TTN: variants seen among roughly 807,000 people sequenced by gnomAD.
TTN encodes the protein titin.
Under a neutral mutation model 3,223.0 loss-of-function variants are expected in TTN, and 1,525 were observed. The observed-to-expected ratio is 0.47, with a 90% CI of 0.45 to 0.49. The LOEUF is 0.49. Among genes scored for constraint, TTN ranks in the 20% least tolerant of loss-of-function variants. TTN has a pLI of 0.00. For missense variants in TTN, 40,786 were observed against 43,424.0 expected (o/e 0.94, Z 5.40); for synonymous variants, 14,094 against 15,161.0 (o/e 0.93, Z 5.17).
In TTN at chr2:178,531,996, T is replaced by G. The variant is rs1460055925; in HGVS notation, c.104619A>C (p.Glu34873Asp). The G allele has an allele frequency of 1.2e-6, 2 of 1,613,744 alleles. No individual in the cohort carries two copies. Among genetic ancestry groups the G allele is most frequent in the African/African-American group, 2.7e-5 (2 of 74,898 alleles). Reference sequence around the variant, plus strand: ...TTCTCTCTGGAGTAGGTGACCTTCTTTCTGTGTCATCTTCGTATTCCTCAG... The same window carrying G: ...TTCTCTCTGGAGTAGGTGACCTTCTGTCTGTGTCATCTTCGTATTCCTCAG... ...QPAEEYEDDT[E>D]RRSPTPERTR... The change falls in exon 358 of 363, where the codon GAA (glutamate) becomes GAC (aspartate). Residue 34873 changes from glutamate to aspartate, a missense_variant. Coordinates refer to ENST00000589042, the MANE Select transcript of TTN (RefSeq NM_001267550.2).
At chr2:178,679,023 C>T (rs188259828) in intron 142 of TTN, among the ~76,000 whole-genome samples, 193 bp from the exon 143 acceptor site, 5 of 151,916 alleles carry the variant, frequency 3.3e-5, no homozygotes, top group South Asian at 2.1e-4. Context: ...CCGAAAAAAA[C>T]GTGGACTGGT....
rs550035343 is a variant in TTN, at chr2:178,694,557, A to T, written c.31426+42T>A. ...TGTACACATGTCCATACACATAAAT[A>T]AAAAAATTTTGAACTTGTAGCTGAA... On this transcript the variant is annotated intron_variant, in intron 117 of 362. Transcript: ENST00000589042. 5.8e-5 allele frequency: 86 copies of T among 1,480,020 alleles called. No individual in the cohort carries two copies. The African/African-American group carries it at 1.2e-3, about 20-fold the overall frequency. 91.7% of individuals were successfully genotyped at this position (1,480,020 alleles called of 1,614,324 possible).
Position 178,574,433 on chromosome 2 carries a change from C to T in TTN, c.71699G>A (p.Arg23900Gln), listed in dbSNP as rs369292052. The change falls in exon 326 of 363, where the codon CGG becomes CAG. Residue 23900 changes from arginine (R) to glutamine (Q), a missense_variant. Transcript: ENST00000589042. ...GCCTGCCATGTTTTCTGCAATCACC[C>T]GGAACTCATAAGCAATACCATCTGT... Reference protein sequence around the residue: ...GLTDGIAYEFRVIAENMAGKS... With the variant: ...GLTDGIAYEFQVIAENMAGKS... 5.1e-5 allele frequency: 82 copies of T among 1,613,386 alleles called. No individual in the cohort carries two copies. The highest frequency in any genetic ancestry group is 7.7e-5 in the South Asian group (7 of 91,064).
rs774191400 is a variant in TTN, at chr2:178,575,121, C to T, written c.71011G>A (p.Asp23671Asn). ...PKPTVTWKKG[D>N]QILKQTQRVN... The stretch of plus-strand genomic sequence containing the variant: ...CTCTGTGTCTGTTTAAGAATTTGGT[C>T]TCCTTTTTTCCATGTCACTGTGGGC... The change falls in exon 326 of 363, where the codon GAC becomes AAC. Residue 23671 changes from aspartate to asparagine, a missense_variant. Asp to Asn is a conservative substitution (Grantham distance 23). Transcript: ENST00000589042. The surrounding 1 kb of genome is among the most constrained non-coding windows in gnomAD (Gnocchi z 4.0). The T allele has an allele frequency of 1.9e-6, 3 of 1,612,768 alleles. No individual in the cohort carries two copies. The highest frequency in any genetic ancestry group is 2.7e-5 in the African/African-American group (2 of 74,846).
chr2:178,739,077 C>T, intron 48 of TTN, 64 bp downstream of exon 48: 2 of 1,448,524 alleles, frequency 1.4e-6, no homozygotes, highest in East Asian at 2.4e-5. Flanking sequence ...TTAAGTGATG[C>T]AAGCTAAATC....
Position 178,620,846 on chromosome 2 carries a change from A to G in TTN, c.45764T>C (p.Ile15255Thr), listed in dbSNP as rs746579432. Residue 15255 changes from isoleucine to threonine, a missense_variant, in exon 247 of 363, where the codon ATT becomes ACT. Coordinates refer to ENST00000589042, the MANE Select transcript of TTN (RefSeq NM_001267550.2). Reference protein sequence around the residue: ...EAIFDSSKYIILQKDLVYTLR... With the variant: ...EAIFDSSKYITLQKDLVYTLR... Reference sequence around the variant, plus strand: ...GGTGTAGACTAGGTCTTTTTGGAGAATGATGTATTTTGAACTATCAAATAT... The same window carrying G: ...GGTGTAGACTAGGTCTTTTTGGAGAGTGATGTATTTTGAACTATCAAATAT... 2.5e-6 allele frequency: 4 copies of G among 1,612,396 alleles called. No individual in the cohort carries two copies. Among genetic ancestry groups the G allele is most frequent in the Non-Finnish European group, 1.7e-6 (2 of 1,179,118 alleles).
Position 178,677,227 on chromosome 2 carries a change from T to G in TTN, c.34352A>C (p.Lys11451Thr). ...EKKVPVPAPKKVEPPPPPKVP... is the reference protein window; with the variant it reads ...EKKVPVPAPKTVEPPPPPKVP... ...TTTGGGTGGTGGTGGAGGTTCCACT[T>G]TTTTAGGGGCGGGAACAGGGACTTT... Residue 11451 changes from lysine to threonine, a missense_variant, in exon 147 of 363, where the codon AAA becomes ACA. Lys to Thr is a moderately conservative substitution (Grantham distance 78). Coordinates refer to ENST00000589042, the MANE Select transcript of TTN (RefSeq NM_001267550.2). 8.2e-7 allele frequency: 1 copy of G among 1,224,070 alleles called. No individual in the cohort carries two copies. The highest frequency in any genetic ancestry group is 1.0e-6 in the Non-Finnish European group (1 of 983,310). The allele number at this position is 1,224,070 out of a possible 1,614,324, so 75.8% of individuals were successfully genotyped here.
chr2:178,718,898 A>G lies in TTN; in HGVS notation c.24302T>C (p.Ile8101Thr), dbSNP rs200423910. The change falls in exon 84 of 363, where the codon ATC becomes ACC. Residue 8101 changes from isoleucine to threonine, a missense_variant. Coordinates refer to ENST00000589042, the MANE Select transcript of TTN (RefSeq NM_001267550.2). The stretch of plus-strand genomic sequence containing the variant: ...GACCTTGAAAGGAGGGGTGCCTCTG[A>G]TGACACTGGTGAATGTGAGGCTCAT... ...PGMSLTFTSV[I>T]RGTPPFKVKW... 5.0e-6 allele frequency: 8 copies of G among 1,613,474 alleles called. No individual in the cohort carries two copies. Among genetic ancestry groups the G allele is most frequent in the African/African-American group, 1.3e-5 (1 of 75,012 alleles).
chr2:178,702,266 A>G, intron 107 of TTN, 21 bp from the exon 108 acceptor site: 1 of 1,613,628 alleles, frequency 6.2e-7, no homozygotes, highest in East Asian at 2.2e-5. Flanking sequence ...AAATCATCCA[A>G]CTTTTGTTTT....
intron 319 of TTN, 60 bp from the exon 320 acceptor site, chr2:178,579,453 A>G (rs1022091242): frequency 3.5e-5 from 55 of 1,561,634 alleles, no homozygotes; most frequent in East Asian, 2.5e-4. Context: ...AACTTTTTCA[A>G]ATAGTTCTAG....
chr2:178,671,933 GA>G (rs756538283), intron 155 of TTN, 37 bp downstream of exon 155: 39 of 1,568,854 alleles, frequency 2.5e-5, no homozygotes, highest in Middle Eastern at 3.5e-4. Context: ...GTTAGAGCAA[GA>G]TATAAGAATT....
intron 356 of TTN, 154 bp downstream of exon 356, chr2:178,536,784 A>T: frequency 3.6e-6 from 3 of 835,326 alleles, no homozygotes; most frequent in South Asian, 2.2e-5. Flanking sequence ...TTCTCCTTTT[A>T]GATATGCAAA....
rs975292109 is a variant in TTN, at chr2:178,673,646, T to A, written c.34773A>T (p.Ala11591=). The A allele has an allele frequency of 1.9e-6, 3 of 1,595,202 alleles. No homozygotes were observed. Among genetic ancestry groups the A allele is most frequent in the Non-Finnish European group, 1.7e-6 (2 of 1,172,690 alleles). ...GATTTGATATACCTTTAGCTGGTGG[T>A]GCCTCCACTTTTTTAGGAACAGGAG... The part of the protein sequence containing the change: ...APTPVPKKVE[A]PPAKVSKKIP... The change falls in exon 152 of 363, where the codon GCA becomes GCT. Residue 11591 remains alanine (A), a synonymous_variant. Coordinates refer to ENST00000589042, the MANE Select transcript of TTN (RefSeq NM_001267550.2).
In TTN at chr2:178,611,842, G is replaced by T; in HGVS notation, c.50467C>A (p.Gln16823Lys). ...TCATTTTCAGCCCGAACCTGAAACT[G>T]GACCTCTGTTCCTTCGATGACATCA... is the stretch of plus-strand genomic sequence containing the variant. ...VTDVIEGTEV[Q>K]FQVRAENEAG... Residue 16823 changes from glutamine to lysine, a missense_variant, in exon 268 of 363, where the codon CAG becomes AAG. By Grantham distance (53) the Gln-to-Lys change is moderately conservative. Coordinates refer to ENST00000589042, the MANE Select transcript of TTN (RefSeq NM_001267550.2). 6.2e-7 allele frequency: 1 copy of T among 1,612,952 alleles called. No homozygotes were observed. The highest frequency in any genetic ancestry group is 1.1e-5 in the South Asian group (1 of 91,024).
chr2:178,748,041 G>A (rs1197744716), intron 47 of TTN: 2 of 1,612,904 alleles, frequency 1.2e-6, no homozygotes, highest in South Asian at 2.2e-5. Context: ...TCTGGTTCTA[G>A]AGTGCATTCT....
At chr2:178,720,692 G>A in intron 79 of TTN, 29 bp from the exon 80 acceptor site, 2 of 1,541,570 alleles carry the variant, frequency 1.3e-6, no homozygotes, top group Non-Finnish European at 1.7e-6. Context: ...TAAACAATGA[G>A]AACACTTGCT....
chr2:178,571,468 T>A lies in TTN; in HGVS notation c.74664A>T (p.Arg24888Ser), dbSNP rs1286127438. 1 of 1,613,270 alleles carries A rather than the reference T, an allele frequency of 6.2e-7. No individual in the cohort carries two copies. Among genetic ancestry groups the A allele is most frequent in the African/African-American group, 1.3e-5 (1 of 74,882 alleles). Residue 24888 changes from arginine to serine, a missense_variant, in exon 326 of 363, where the codon AGA becomes AGT. Coordinates refer to ENST00000589042, the MANE Select transcript of TTN (RefSeq NM_001267550.2). ...AATTGAGGTAGGTACTCTTCCCATATCTGTTTTCAGCTGCAATTCTAAACT... is the reference window on the plus strand; with the variant it reads ...AATTGAGGTAGGTACTCTTCCCATAACTGTTTTCAGCTGCAATTCTAAACT... Reference protein sequence around the residue: ...EYQFRIAAENRYGKSTYLNSE... With the variant: ...EYQFRIAAENSYGKSTYLNSE...
chr2:178,767,714 T>C (rs1470610033), intron 40 of TTN, 45 bp downstream of exon 40: 3 of 1,605,340 alleles, frequency 1.9e-6, no homozygotes, highest in Admixed American at 1.7e-5. Flanking sequence ...TGATAGATTA[T>C]GGACTACTGA....
intron 282 of TTN, among the ~76,000 whole-genome samples, chr2:178,603,636 T>C (rs1299158097): frequency 1.3e-5 from 2 of 152,128 alleles, no homozygotes; most frequent in East Asian, 3.9e-4. Context: ...ATAAAATATT[T>C]GGTTTAATCC....
Sources: gnomAD v4.1 joint callset for allele counts (sites outside exome capture counted in the v4.1 genomes callset) on GRCh38, gnomAD v4.1.1 for gene constraint, Gnocchi (gnomAD v3.1) non-coding constraint, MANE v1.5 for transcripts, NCBI Gene and HGNC (gene_info 2026-07-23, HGNC 2026-07-21) for gene names.